The following SLC28A1 variants were observed in gnomAD, a reference collection of about 807,000 sequenced individuals.
SLC28A1 encodes sodium/nucleoside cotransporter 1.
In SLC28A1, 64 loss-of-function variants were observed where a neutral mutation model predicts 74.8. That is an observed-to-expected ratio of 0.86 (90% confidence interval 0.70 to 1.05). SLC28A1 has a LOEUF of 1.05. Ranked by LOEUF, SLC28A1 falls within the 50% of genes least tolerant of loss-of-function variation. SLC28A1 has a pLI of 0.00. For synonymous variants in SLC28A1, 359 were observed against 335.0 expected, an observed-to-expected ratio of 1.07 and a Z score of -0.78; for missense variants, 828 against 822.8, an observed-to-expected ratio of 1.01 and a Z score of -0.08.
intron 12 of SLC28A1, among the ~76,000 whole-genome samples, chr15:84,932,790 C>T (rs2141998017): frequency 6.6e-6 from 1 of 152,296 alleles, no homozygotes; most frequent in East Asian, 1.9e-4. Flanking sequence ...AAGAAAGAAC[C>T]TTGAACTTGG....
At chr15:84,920,714 G>GTGTGTGTGTGTGTGTGTGTT (rs67647514) in intron 10 of SLC28A1, among the ~76,000 whole-genome samples, 6,271 of 152,132 alleles carry the variant, frequency 0.041, 280 homozygotes, top group Admixed American at 0.14. Context: ...GTGTGTGTGT[G>GTGTGTGTGTGTGTGTGTGTT]TGTGTGTGTG....
the SLC28A1 span, among the ~76,000 whole-genome samples, chr15:84,951,547 T>C: frequency 6.6e-6 from 1 of 151,982 alleles, no homozygotes; most frequent in Non-Finnish European, 1.5e-5. Flanking sequence ...ATCTCCTTTA[T>C]GTTATTATTT....
At chr15:84,921,302 A>G (rs1043241493) in intron 11 of SLC28A1, among the ~76,000 whole-genome samples, 5 of 152,156 alleles carry the variant, frequency 3.3e-5, no homozygotes, top group African/African-American at 4.8e-5. Flanking sequence ...GGCGGTCTTC[A>G]TCAGCCCAAA....
intron 6 of SLC28A1, among the ~76,000 whole-genome samples, chr15:84,896,757 CTA>C (rs764758703): frequency 1.3e-5 from 2 of 152,084 alleles, no homozygotes; most frequent in Admixed American, 6.5e-5. Flanking sequence ...TAAAGAAAAT[CTA>C]TATATCCATA....
the SLC28A1 span, among the ~76,000 whole-genome samples, chr15:84,965,904 G>T: frequency 4.9e-5 from 6 of 121,560 alleles, 1 homozygote; most frequent in East Asian, 5.7e-4. Flanking sequence ...GAGGCGGGGA[G>T]GGGGGGGAAA....
At chr15:84,905,479 C>G in intron 7 of SLC28A1, 60 bp from the exon 8 acceptor site, 1 of 1,212,082 alleles carries the variant, frequency 8.3e-7, no homozygotes, top group Non-Finnish European at 1.2e-6. Context: ...TCACCCCCAC[C>G]CGGCTCCCTG....
At chr15:84,917,097 A>G (rs1410325656) in intron 9 of SLC28A1, among the ~76,000 whole-genome samples, 3 of 151,794 alleles carry the variant, frequency 2.0e-5, no homozygotes, top group Non-Finnish European at 4.4e-5. Context: ...AAAGAAAACA[A>G]CATTTCCATA....
intron 15 of SLC28A1, among the ~76,000 whole-genome samples, chr15:84,937,266 A>C (rs1425808678): frequency 2.0e-5 from 3 of 152,158 alleles, no homozygotes; most frequent in Admixed American, 2.0e-4. Flanking sequence ...CCACATGTTG[A>C]AATGAGTATC....
At chr15:84,936,005 A>C (rs1439680043) in intron 15 of SLC28A1, among the ~76,000 whole-genome samples, 1 of 118,190 alleles carries the variant, frequency 8.5e-6, no homozygotes, top group Admixed American at 1.1e-4. Flanking sequence ...CCCAGGCTGG[A>C]GTGCAGTGGC....
the SLC28A1 span, among the ~76,000 whole-genome samples, chr15:84,974,781 C>T: frequency 2.6e-5 from 4 of 151,734 alleles, no homozygotes; most frequent in Admixed American, 6.6e-5. Context: ...GTGGAATGCT[C>T]GGTGTGTTGG....
intron 6 of SLC28A1, among the ~76,000 whole-genome samples, chr15:84,899,158 T>C (rs550141228): frequency 6.6e-6 from 1 of 151,238 alleles, no homozygotes; most frequent in Admixed American, 6.6e-5. Context: ...TTTAGCGTAC[T>C]AAGAAGGTTT....
chr15:84,949,205 C>T (rs1389853909), downstream of SLC28A1, among the ~76,000 whole-genome samples: 1 of 152,130 alleles, frequency 6.6e-6, no homozygotes, highest in Non-Finnish European at 1.5e-5. Context: ...TGATTCGAAG[C>T]TGTTCTGAAT....
At chr15:84,933,392 C>T in intron 13 of SLC28A1, 117 bp downstream of exon 13, 1 of 1,281,532 alleles carries the variant, frequency 7.8e-7, no homozygotes, top group East Asian at 2.7e-5. Flanking sequence ...CCCATCTCTC[C>T]ACTTTTCCTG....
At chr15:84,916,256 T>TCC in intron 9 of SLC28A1, among the ~76,000 whole-genome samples, 1 of 147,888 alleles carries the variant, frequency 6.8e-6, no homozygotes. Context: ...TTTTTTTTTT[T>TCC]TCAAACATGG....
At chr15:84,948,886 G>T (rs755943467), downstream of SLC28A1, among the ~76,000 whole-genome samples, 2 of 151,974 alleles carry the variant, frequency 1.3e-5, no homozygotes. Context: ...TTTTGATTTT[G>T]CATCAAAAAG....
intron 9 of SLC28A1, among the ~76,000 whole-genome samples, chr15:84,913,627 G>A (rs1567152125): frequency 6.6e-6 from 1 of 152,170 alleles, no homozygotes; most frequent in East Asian, 1.9e-4. Flanking sequence ...AGAACCACTG[G>A]CCTAGAAGAG....
At chr15:84,938,828 C>T (rs1314841138) in intron 15 of SLC28A1, among the ~76,000 whole-genome samples, 2 of 151,592 alleles carry the variant, frequency 1.3e-5, no homozygotes, top group African/African-American at 2.4e-5. Flanking sequence ...GGCATTTAAG[C>T]CAAGACTTGG....
At chr15:84,933,804 A>T (rs1218996427) in intron 13 of SLC28A1, among the ~76,000 whole-genome samples, 1 of 152,146 alleles carries the variant, frequency 6.6e-6, no homozygotes, top group Non-Finnish European at 1.5e-5. Flanking sequence ...GTGAAACCCC[A>T]TCTCTATTTA....
At position 84,926,204 on chromosome 15, in the gene SLC28A1, A is replaced by G. The variant is rs1343913414; in HGVS notation, c.1083+2094A>G. On this transcript the variant is annotated intron_variant, in intron 12 of 18. Transcript: ENST00000394573. Reference sequence around the variant, plus strand: ...AACTCCCCACATGACACCAACATGTATTTATATAGAGAGAGACAGAGTTTC... The same window carrying G: ...AACTCCCCACATGACACCAACATGTGTTTATATAGAGAGAGACAGAGTTTC... 7.3e-5 allele frequency among the ~76,000 whole-genome samples: 11 copies of G among 151,690 alleles called. No homozygotes were observed. The East Asian group carries it at 1.9e-3, about 27-fold the overall frequency.
Sources: allele counts gnomAD v4.1 joint callset (sites outside exome capture counted in the v4.1 genomes callset), GRCh38; gene constraint gnomAD v4.1.1; transcripts MANE v1.5; gene names NCBI Gene and HGNC (gene_info 2026-07-23, HGNC 2026-07-21).